AXL: variants seen among roughly 807,000 people sequenced by gnomAD.
AXL encodes the protein tyrosine-protein kinase receptor UFO.
AXL carries 52 observed loss-of-function variants against 104.5 expected under a neutral mutation model. That is an observed-to-expected ratio of 0.50 (90% CI 0.40 to 0.63). The LOEUF (loss-of-function observed/expected upper bound fraction) is 0.63, where lower values mean the gene tolerates loss of function less well. Ranked by LOEUF, AXL falls within the 20% of genes least tolerant of loss-of-function variation. AXL has a pLI of 0.00. For synonymous variants in AXL, 455 were observed against 473.7 expected, an observed-to-expected ratio of 0.96 and a Z score of 0.51; for missense variants, 1,024 against 1,188.5, an observed-to-expected ratio of 0.86 and a Z score of 2.04.
At chr19:41,256,129 CT>C (rs2034449078) in intron 17 of AXL, among the ~76,000 whole-genome samples, 2 of 151,774 alleles carry the variant, frequency 1.3e-5, no homozygotes, top group African/African-American at 4.8e-5. Context: ...TTACTTATGA[CT>C]TGTGCACATT....
rs1599722294 is a variant in AXL, at chr19:41,219,407, C to T, written c.15C>T (p.Cys5=). Residue 5 remains cysteine (C), a synonymous_variant, in exon 1 of 20, where the codon TGC becomes TGT. Transcript: ENST00000301178. The stretch of plus-strand genomic sequence containing the variant: ...GTTTGGCACCCATGGCGTGGCGGTG[C>T]CCCAGGATGGGCAGGGTCCCGCTGG... MAWR[C]PRMGRVPLAW... 2 of 1,601,680 alleles carry T rather than the reference C, an allele frequency of 1.2e-6. No homozygotes were observed. Among genetic ancestry groups the T allele is most frequent in the Admixed American group, 1.7e-5 (1 of 58,432 alleles).
rs1372281681 is a variant in AXL at position 41,260,293 on chromosome 19, G to A, written c.*389G>A. On this transcript the variant is annotated 3_prime_UTR_variant, in exon 20 of 20. Coordinates refer to ENST00000301178, the MANE Select transcript of AXL (RefSeq NM_021913.5). Reference sequence around the variant, plus strand: ...TCTATTAAAGTGCTAAGGTTCTAAGGCCTACTTTTTTTTTTTTTTTTTTTT... The same window carrying A: ...TCTATTAAAGTGCTAAGGTTCTAAGACCTACTTTTTTTTTTTTTTTTTTTT... 4.2e-5 allele frequency: 5 copies of A among 120,086 alleles called. No homozygotes were observed. The highest frequency in any genetic ancestry group is 7.4e-5 in the Non-Finnish European group (5 of 67,864). 7.4% of individuals were successfully genotyped at this position (120,086 alleles called of 1,614,324 possible). A position where few individuals can be genotyped will look rare whatever the true frequency, so the allele number is the denominator to read the frequency against.
intron 17 of AXL, 95 bp downstream of exon 17, chr19:41,253,803 A>T: frequency 1.3e-5 from 13 of 1,010,922 alleles, no homozygotes; most frequent in Non-Finnish European, 2.0e-5. Context: ...AGGGCTAGAC[A>T]CCCGCTGAGG....
intron 14 of AXL, among the ~76,000 whole-genome samples, chr19:41,251,944 T>A (rs1488251824): frequency 6.6e-6 from 1 of 150,788 alleles, no homozygotes; most frequent in Non-Finnish European, 1.5e-5. Flanking sequence ...AAACCCCGTC[T>A]CTACTAAAAA....
chr19:41,229,202 C>T (rs563221824), intron 4 of AXL, among the ~76,000 whole-genome samples: 8 of 152,034 alleles, frequency 5.3e-5, no homozygotes, highest in East Asian at 1.9e-4. Context: ...CCACCCACCT[C>T]GGCCTCCTAA....
chr19:41,251,537 G>T (rs1208863831), intron 14 of AXL, among the ~76,000 whole-genome samples: 1 of 151,392 alleles, frequency 6.6e-6, no homozygotes, highest in Non-Finnish European at 1.5e-5. Flanking sequence ...ACTCAAGCCT[G>T]GGGGACAAGG....
At chr19:41,224,902 G>A (rs894744484) in intron 4 of AXL, among the ~76,000 whole-genome samples, 14 of 152,138 alleles carry the variant, frequency 9.2e-5, no homozygotes, top group African/African-American at 2.9e-4. Context: ...ACCAGTCAGC[G>A]TATAGATGTG....
chr19:41,233,285 G>A (rs1423801784), intron 6 of AXL, among the ~76,000 whole-genome samples: 5 of 151,838 alleles, frequency 3.3e-5, no homozygotes, highest in African/African-American at 1.2e-4. Context: ...GCACCGCGCT[G>A]GGCCCTGAGA....
At chr19:41,239,429 C>T in intron 9 of AXL, 115 bp downstream of exon 9, 1 of 1,436,380 alleles carries the variant, frequency 7.0e-7, no homozygotes, top group Non-Finnish European at 9.4e-7. Context: ...TACCCTGAGC[C>T]TTACTGAGAG....
At chr19:41,238,852 A>G (rs1411551230) in intron 8 of AXL, among the ~76,000 whole-genome samples, 4 of 152,088 alleles carry the variant, frequency 2.6e-5, no homozygotes, top group African/African-American at 9.7e-5. Context: ...TTTACTATAT[A>G]ACGATTTTAC....
intron 9 of AXL, 68 bp downstream of exon 9, chr19:41,239,382 G>A (rs2034140902): frequency 1.3e-6 from 2 of 1,523,186 alleles, no homozygotes; most frequent in Non-Finnish European, 1.8e-6. Flanking sequence ...CTTACTCCTT[G>A]TACCTTTCAG....
rs2034458527 is a variant in AXL at position 41,256,726 on chromosome 19, T to G, written c.2196+115T>G. ...TCACAGGGACATGTGGGCTTCCCTTTGCAGGGGCTTGTCCACATGGGCTGG... is the reference window on the plus strand; with the variant it reads ...TCACAGGGACATGTGGGCTTCCCTTGGCAGGGGCTTGTCCACATGGGCTGG... On this transcript the variant is annotated intron_variant, in intron 18 of 19. Transcript: ENST00000301178. The G allele has an allele frequency of 2.9e-6, 4 of 1,388,854 alleles. No homozygotes were observed. The Admixed American group carries it at 6.0e-5, about 21-fold the overall frequency. The allele number at this position is 1,388,854 out of a possible 1,614,324, so 86.0% of individuals were successfully genotyped here.
At position 41,238,560 on chromosome 19, in the gene AXL, G is replaced by C; in HGVS notation, c.1085G>C (p.Gly362Ala). The C allele has an allele frequency of 6.2e-7, 1 of 1,613,798 alleles. No individual in the cohort carries two copies. Among genetic ancestry groups the C allele is most frequent in the Non-Finnish European group, 8.5e-7 (1 of 1,179,818 alleles). Residue 362 changes from glycine (G) to alanine (A), a missense_variant, in exon 8 of 20, where the codon GGT becomes GCT. Gly to Ala is a moderately conservative substitution (Grantham distance 60). This residue lies in a region of AXL where 332 missense variants were observed against 343.9 expected (regional missense o/e 0.97). Transcript: ENST00000301178. Reference sequence around the variant, plus strand: ...CAAGAGCCCCGGGCGCCCCTGCAGGGTACCCTGTTAGGGTACCGGCTGGCG... The same window carrying C: ...CAAGAGCCCCGGGCGCCCCTGCAGGCTACCCTGTTAGGGTACCGGCTGGCG... ...HWQEPRAPLQ[G>A]TLLGYRLAYQ...
At chr19:41,236,281 C>T (rs2034077093) in intron 6 of AXL, among the ~76,000 whole-genome samples, 1 of 147,058 alleles carries the variant, frequency 6.8e-6, no homozygotes, top group Admixed American at 7.0e-5. Context: ...TGCAGTGAGC[C>T]GAGATTGTAC....
chr19:41,245,668 C>T (rs562485390), intron 12 of AXL, among the ~76,000 whole-genome samples: 1 of 146,506 alleles, frequency 6.8e-6, no homozygotes, highest in Non-Finnish European at 1.5e-5. Flanking sequence ...GAGCCGAGAT[C>T]GTGCCACTGC....
At chr19:41,241,543 CAAAA>C (rs11457010) in intron 10 of AXL, among the ~76,000 whole-genome samples, 10 of 67,080 alleles carry the variant, frequency 1.5e-4, no homozygotes, top group Non-Finnish European at 2.5e-4. Context: ...GACTCTGTCT[CAAAA>C]AAAAAAAAAA....
At chr19:41,259,052 G>C (rs1000983198) in intron 19 of AXL, among the ~76,000 whole-genome samples, 6 of 152,202 alleles carry the variant, frequency 3.9e-5, no homozygotes, top group African/African-American at 1.4e-4. Flanking sequence ...CCAGGAGAAA[G>C]TGCGAGGAAG....
At chr19:41,221,326 GGGTCAA>G (rs3830504) in intron 3 of AXL, 80 bp downstream of exon 3, 156,248 of 1,262,340 alleles carry the variant, frequency 0.12, 11,149 homozygotes, top group African/African-American at 0.23. Context: ...GAATCCTGAG[GGGTCAA>G]GGTCAAAGGG....
rs2034222651 is a variant in AXL at position 41,243,663 on chromosome 19, A to G, written c.1493A>G (p.Tyr498Cys). The G allele has an allele frequency of 6.2e-7, 1 of 1,614,120 alleles. No individual in the cohort carries two copies. Among genetic ancestry groups the G allele is most frequent in the African/African-American group, 1.3e-5 (1 of 75,018 alleles). Reference protein sequence around the residue: ...TVERGELVVRYRVRKSYSRRT... With the variant: ...TVERGELVVRCRVRKSYSRRT... ...GAAAGAGGTGAACTGGTAGTCAGGTACCGCGTGCGCAAGTCCTACAGTCGT... is the reference window on the plus strand; with the variant it reads ...GAAAGAGGTGAACTGGTAGTCAGGTGCCGCGTGCGCAAGTCCTACAGTCGT... The change falls in exon 12 of 20, where the codon TAC becomes TGC. Residue 498 changes from tyrosine (Y) to cysteine (C), a missense_variant. By Grantham distance (194) the Tyr-to-Cys change is radical. Around this residue, in one of 5 missense-constraint regions of AXL, gnomAD observed 523 missense variants for 636.0 expected, o/e 0.82. Transcript: ENST00000301178.
Sources: allele counts gnomAD v4.1 joint callset (sites outside exome capture counted in the v4.1 genomes callset), GRCh38; gene constraint gnomAD v4.1.1; regional missense constraint gnomAD v4.1.1; transcripts MANE v1.5; gene names NCBI Gene and HGNC (gene_info 2026-07-23, HGNC 2026-07-21).